Variants in SPATS2L observed in about 807,000 individuals in gnomAD.
SPATS2L encodes the protein spermatogenesis associated serine rich 2 like, also known as SPATS2-like protein.
SPATS2L carries 30 observed loss-of-function variants against 59.6 expected under a neutral mutation model. The ratio of observed to expected loss-of-function variants is 0.50; its 90% CI spans 0.38 to 0.68. The LOEUF is 0.68. Ranked by LOEUF, SPATS2L falls within the 30% of genes least tolerant of loss-of-function variation. SPATS2L has a pLI of 0.00. For synonymous variants in SPATS2L, 252 were observed against 263.5 expected (o/e 0.96, Z 0.42); for missense variants, 615 against 700.0 (o/e 0.88, Z 1.37).
upstream of SPATS2L, chr2:200,306,027 T>C (rs528910530): frequency 7.1e-6 from 7 of 985,246 alleles, no homozygotes; most frequent in South Asian, 2.3e-4. Flanking sequence ...CATGTGTAAC[T>C]TGGTTATTAC....
chr2:200,425,537 C>T (rs970279197), intron 6 of SPATS2L, among the ~76,000 whole-genome samples: 5 of 152,156 alleles, frequency 3.3e-5, no homozygotes, highest in South Asian at 2.1e-4. Context: ...CTCTGCATCT[C>T]ACTTTCCTCA....
At chr2:200,334,082 T>A (rs1457722697) in intron 2 of SPATS2L, among the ~76,000 whole-genome samples, 3 of 152,246 alleles carry the variant, frequency 2.0e-5, no homozygotes, top group African/African-American at 4.8e-5. Flanking sequence ...CGCCACACTG[T>A]CTTCCACAAT....
At chr2:200,378,355 C>T (rs1229406864) in intron 2 of SPATS2L, 14 of 1,002,178 alleles carry the variant, frequency 1.4e-5, no homozygotes, top group Non-Finnish European at 1.7e-5. Context: ...ATTTGGAGCA[C>T]GAGGAAACCT....
chr2:200,408,103 G>C (rs2082749851), intron 3 of SPATS2L, among the ~76,000 whole-genome samples: 1 of 152,198 alleles, frequency 6.6e-6, no homozygotes, highest in African/African-American at 2.4e-5. Flanking sequence ...GGCTGCAGGA[G>C]TTGAGGCAAA....
rs754316142 is a variant in SPATS2L at position 200,473,069 on chromosome 2, G to A, written c.1281+17G>A. On this transcript the variant is annotated intron_variant, in intron 12 of 12. Transcript: ENST00000409140. ...AACAAGCAGGTAAGCCGACACTGGT[G>A]CAGGGTGCCAGAGGAAAAAAAAAAA... 4.4e-6 allele frequency: 7 copies of A among 1,590,802 alleles called. No homozygotes were observed. The South Asian group carries it at 7.8e-5, about 18-fold the overall frequency.
intron 1 of SPATS2L, among the ~76,000 whole-genome samples, chr2:200,314,203 CCTT>C (rs1185297275): frequency 1.3e-5 from 2 of 152,166 alleles, no homozygotes; most frequent in Non-Finnish European, 2.9e-5. Flanking sequence ...CCAGCATACT[CCTT>C]CTGTGTTTTC....
chr2:200,382,446 A>G (rs989942354), intron 2 of SPATS2L, among the ~76,000 whole-genome samples: 1 of 152,206 alleles, frequency 6.6e-6, no homozygotes, highest in Admixed American at 6.5e-5. Flanking sequence ...TTCGCACTGC[A>G]GTTTGTGCAT....
chr2:200,364,823 C>T (rs1224756591), intron 2 of SPATS2L, among the ~76,000 whole-genome samples: 2 of 152,148 alleles, frequency 1.3e-5, no homozygotes, highest in Non-Finnish European at 2.9e-5. Context: ...CCAGTCATCC[C>T]GGTGAGTGCA....
At chr2:200,306,406 G>A (rs74340199), upstream of SPATS2L, 39,229 of 1,002,290 alleles carry the variant, frequency 0.039, 875 homozygotes, top group Non-Finnish European at 0.041. Context: ...TCGGTCTGGA[G>A]CAAGCAAGCA....
At chr2:200,422,284 C>A (rs994143691) in intron 6 of SPATS2L, among the ~76,000 whole-genome samples, 2 of 152,148 alleles carry the variant, frequency 1.3e-5, no homozygotes, top group South Asian at 2.1e-4. Flanking sequence ...CACTTGTCAT[C>A]CCAGCGCTTT....
intron 2 of SPATS2L, among the ~76,000 whole-genome samples, chr2:200,388,072 G>C (rs962990071): frequency 6.6e-6 from 1 of 152,126 alleles, no homozygotes; most frequent in Admixed American, 6.5e-5. Flanking sequence ...GGGTCCATTT[G>C]AAAATGGAGA....
chr2:200,425,128 GCCCCCCCCC>G (rs781059586), intron 6 of SPATS2L, among the ~76,000 whole-genome samples: 9 of 33,928 alleles, frequency 2.7e-4, no homozygotes, highest in African/African-American at 9.8e-4. Context: ...AGTTCCCCCC[GCCCCCCCCC>G]CCCCCCGCCA....
At chr2:200,426,074 G>A (rs2083556617) in intron 6 of SPATS2L, among the ~76,000 whole-genome samples, 1 of 142,480 alleles carries the variant, frequency 7.0e-6, no homozygotes, top group Non-Finnish European at 1.5e-5. Flanking sequence ...TATAACCATA[G>A]GTTTTTACTT....
At chr2:200,390,433 G>A (rs892670151) in intron 3 of SPATS2L, 1 of 152,458 alleles carries the variant, frequency 6.6e-6, no homozygotes, top group African/African-American at 2.4e-5. Flanking sequence ...GCAGGGCGGT[G>A]TGATGAAGGC....
intron 8 of SPATS2L, among the ~76,000 whole-genome samples, chr2:200,454,592 A>C: frequency 6.6e-6 from 1 of 152,226 alleles, no homozygotes; most frequent in Non-Finnish European, 1.5e-5. Flanking sequence ...TAAACTGTAA[A>C]GTCTTTGCCA....
At chr2:200,422,886 T>G (rs907746069) in intron 6 of SPATS2L, among the ~76,000 whole-genome samples, 1 of 151,712 alleles carries the variant, frequency 6.6e-6, no homozygotes, top group Non-Finnish European at 1.5e-5. Context: ...TTTCTTGCTC[T>G]CTCTCTCTCA....
intron 3 of SPATS2L, among the ~76,000 whole-genome samples, chr2:200,411,233 C>A (rs1458970155): frequency 6.6e-6 from 1 of 152,054 alleles, no homozygotes; most frequent in African/African-American, 2.4e-5. Flanking sequence ...ACATGCAGAT[C>A]TGTATGGAAT....
At chr2:200,473,965 C>T (rs576230771) in intron 12 of SPATS2L, among the ~76,000 whole-genome samples, 7 of 151,748 alleles carry the variant, frequency 4.6e-5, no homozygotes, top group African/African-American at 1.7e-4. Context: ...GCACCACTGC[C>T]CTTCAGCCTG....
chr2:200,454,227 C>T (rs2085674170), intron 8 of SPATS2L, among the ~76,000 whole-genome samples: 1 of 152,190 alleles, frequency 6.6e-6, no homozygotes, highest in South Asian at 2.1e-4. Context: ...TCTTCACCTC[C>T]CCTTTGAAAT....
Sources: gnomAD v4.1 joint callset for allele counts (sites outside exome capture counted in the v4.1 genomes callset) on GRCh38, gnomAD v4.1.1 for gene constraint, MANE v1.5 for transcripts, NCBI Gene and HGNC (gene_info 2026-07-23, HGNC 2026-07-21) for gene names.